Variants in STK40 observed in about 807,000 individuals in gnomAD.
STK40 encodes serine/threonine-protein kinase 40.
A neutral mutation model predicts 47.9 loss-of-function variants in STK40; 13 were observed. That is an observed-to-expected ratio of 0.27 (90% CI 0.18 to 0.43). The LOEUF (loss-of-function observed/expected upper bound fraction) is 0.43. Among genes scored for constraint, STK40 ranks in the 20% least tolerant of loss-of-function variants. STK40 has a pLI of 1.00. For missense variants in STK40, 460 were observed against 595.1 expected, an observed-to-expected ratio of 0.77 and a Z score of 2.36; for synonymous variants, 225 against 243.2, an observed-to-expected ratio of 0.93 and a Z score of 0.69.
chr1:36,375,136 G>A (rs896962339), intron 1 of STK40, among the ~76,000 whole-genome samples: 4 of 152,136 alleles, frequency 2.6e-5, no homozygotes, highest in African/African-American at 9.7e-5. Context: ...CAGGGACAGC[G>A]CTACTCCCAA....
At chr1:36,355,069 T>C in intron 5 of STK40, 137 bp downstream of exon 5, 3 of 883,108 alleles carry the variant, frequency 3.4e-6, no homozygotes, top group East Asian at 2.6e-5. Flanking sequence ...GCACCTGCCA[T>C]TCAGTCACTC....
chr1:36,368,954 C>G (rs943722277), intron 1 of STK40, among the ~76,000 whole-genome samples: 1 of 152,150 alleles, frequency 6.6e-6, no homozygotes, highest in Non-Finnish European at 1.5e-5. Flanking sequence ...TCTCAGGTCC[C>G]CCGAGGCAGA....
chr1:36,347,764 T>A (rs1002323733), intron 7 of STK40, among the ~76,000 whole-genome samples: 1 of 151,912 alleles, frequency 6.6e-6, no homozygotes, highest in African/African-American at 2.4e-5. Flanking sequence ...GCGATTCTCC[T>A]GCCTTAGCCT....
chr1:36,354,834 A>T (rs1163523300), intron 5 of STK40, among the ~76,000 whole-genome samples: 1 of 152,116 alleles, frequency 6.6e-6, no homozygotes, highest in Non-Finnish European at 1.5e-5. Flanking sequence ...AGGCTCTCCT[A>T]TCCTTTGTCC....
At chr1:36,372,953 G>A (rs1489819580) in intron 1 of STK40, among the ~76,000 whole-genome samples, 4 of 152,138 alleles carry the variant, frequency 2.6e-5, no homozygotes, top group African/African-American at 7.2e-5. Context: ...ATCCACAAAG[G>A]CAGTCCAGGA....
chr1:36,363,683 C>T (rs1303793285), intron 1 of STK40, among the ~76,000 whole-genome samples: 6 of 150,362 alleles, frequency 4.0e-5, no homozygotes, highest in African/African-American at 1.2e-4. Flanking sequence ...AGCATGGTGG[C>T]GGGCCCCTGT....
intron 1 of STK40, among the ~76,000 whole-genome samples, chr1:36,366,484 T>A (rs532965174): frequency 6.6e-6 from 1 of 152,286 alleles, no homozygotes; most frequent in South Asian, 2.1e-4. Flanking sequence ...CGGAAGCTGC[T>A]GCAGGCTTAC....
chr1:36,358,790 T>G lies in STK40; in HGVS notation c.145A>C (p.Ile49Leu), dbSNP rs966806411. ...TCTTTCCTCGCCAAACACTGCACTA[T>G]GCTTGGCACCGGTGAGTTGCCCAGA... ...PRLGNSPVPS[I>L]VQCLARKDGT... Residue 49 changes from isoleucine (I) to leucine (L), a missense_variant, in exon 3 of 11, where the codon ATA (isoleucine) becomes CTA (leucine). This residue lies in a region of STK40 where 277 missense variants were observed against 358.7 expected (regional missense o/e 0.77). Transcript: ENST00000373132. 8 of 1,614,040 alleles carry G rather than the reference T, an allele frequency of 5.0e-6. No homozygotes were observed. Among genetic ancestry groups the G allele is most frequent in the Non-Finnish European group, 6.8e-6 (8 of 1,180,018 alleles).
intron 4 of STK40, among the ~76,000 whole-genome samples, chr1:36,357,358 C>T (rs1278028694): frequency 6.6e-6 from 1 of 152,220 alleles, no homozygotes; most frequent in Non-Finnish European, 1.5e-5. Flanking sequence ...TCCTGGCCAG[C>T]AAACGGCTGA....
chr1:36,342,215 T>C (rs943928430), intron 10 of STK40: 47 of 549,416 alleles, frequency 8.6e-5, no homozygotes, highest in African/African-American at 8.3e-4. Flanking sequence ...CGCAGACTCA[T>C]GCTTCCTAAC....
At chr1:36,375,584 C>G (rs182364895) in intron 1 of STK40, among the ~76,000 whole-genome samples, 22 of 152,270 alleles carry the variant, frequency 1.4e-4, no homozygotes, top group South Asian at 2.1e-4. Flanking sequence ...AAAGCCCAGC[C>G]AGGCCAGACC....
rs775506565 is a variant in STK40 at position 36,343,405 on chromosome 1, C to T, written c.1048G>A (p.Asp350Asn). ...GCATTGCTCATTTGGTCATCAATGT[C>T]AGGAACCACTTGCAAAGGCCCACTC... ...SLSGPLQVVP[D>N]IDDQMSNADS... The change falls in exon 10 of 11, where the codon GAC (aspartate) becomes AAC (asparagine). Residue 350 changes from aspartate (D) to asparagine (N), a missense_variant. By Grantham distance (23) the Asp-to-Asn change is conservative. This residue lies in a region of STK40 where 181 missense variants were observed against 218.9 expected (regional missense o/e 0.83). Transcript: ENST00000373132. 6.2e-7 allele frequency: 1 copy of T among 1,613,634 alleles called. No homozygotes were observed. The highest frequency in any genetic ancestry group is 8.5e-7 in the Non-Finnish European group (1 of 1,179,828).
At chr1:36,362,272 G>A (rs1433822670) in intron 1 of STK40, among the ~76,000 whole-genome samples, 3 of 152,090 alleles carry the variant, frequency 2.0e-5, no homozygotes, top group African/African-American at 7.2e-5. Flanking sequence ...AGCAGGATCC[G>A]GGGGGGACAA....
chr1:36,345,563 C>T (rs1646692124), intron 7 of STK40, among the ~76,000 whole-genome samples: 1 of 152,210 alleles, frequency 6.6e-6, no homozygotes, highest in African/African-American at 2.4e-5. Context: ...GCTGCGGTGA[C>T]TGTGTGGCTG....
chr1:36,356,847 A>G (rs1278774415), intron 4 of STK40, among the ~76,000 whole-genome samples: 1 of 152,190 alleles, frequency 6.6e-6, no homozygotes, highest in Non-Finnish European at 1.5e-5. Context: ...CCAAAATGAC[A>G]TGAACTAAGG....
intron 2 of STK40, among the ~76,000 whole-genome samples, chr1:36,360,567 G>A (rs964345404): frequency 7.9e-5 from 12 of 151,344 alleles, no homozygotes; most frequent in Admixed American, 5.3e-4. Context: ...AGAGAGTCTC[G>A]CACCGTTGCC....
intron 1 of STK40, among the ~76,000 whole-genome samples, chr1:36,367,153 T>C (rs1311189768): frequency 4.6e-5 from 7 of 152,068 alleles, no homozygotes. Context: ...TGGCCAACTC[T>C]TCTACATTCT....
At chr1:36,349,100 C>A (rs926206780) in intron 6 of STK40, among the ~76,000 whole-genome samples, 1 of 152,242 alleles carries the variant, frequency 6.6e-6, no homozygotes, top group African/African-American at 2.4e-5. Flanking sequence ...GCTGCCCGGG[C>A]TGAATCTCGG....
At chr1:36,374,147 G>T (rs1646972530) in intron 1 of STK40, among the ~76,000 whole-genome samples, 1 of 152,266 alleles carries the variant, frequency 6.6e-6, no homozygotes, top group Admixed American at 6.5e-5. Context: ...CCTAGCTCTA[G>T]TCTCCTCCAG....
Sources: allele counts gnomAD v4.1 joint callset (sites outside exome capture counted in the v4.1 genomes callset), GRCh38; gene constraint gnomAD v4.1.1; regional missense constraint gnomAD v4.1.1; transcripts MANE v1.5; gene names NCBI Gene and HGNC (gene_info 2026-07-23, HGNC 2026-07-21).